TCF20: variants seen among roughly 807,000 people sequenced by gnomAD.
TCF20 encodes the protein SPRE-binding protein.
In TCF20, 3 loss-of-function variants were observed where a neutral mutation model predicts 148.6. The observed-to-expected ratio is 0.02, with a 90% CI of 0.01 to 0.05. The LOEUF (loss-of-function observed/expected upper bound fraction) is 0.05. TCF20 is among the 10% of genes least tolerant of loss of function. TCF20 has a pLI of 1.00. For synonymous variants in TCF20, 1,049 were observed against 909.5 expected (o/e 1.15, Z -2.76); for missense variants, 2,350 against 2,429.3 (o/e 0.97, Z 0.69).
rs755549978 is a variant in TCF20 at position 42,168,611 on chromosome 22, G to C, written c.*42C>G. 1 of 1,568,980 alleles carries C rather than the reference G, an allele frequency of 6.4e-7. No homozygotes were observed. On this transcript the variant is annotated splice_region_variant and 3_prime_UTR_variant, in exon 5 of 6. Coordinates refer to ENST00000677622, the MANE Select transcript of TCF20 (RefSeq NM_001378418.1). ...GGAGCCCGGTGGCCCCGACTCACCT[G>C]TGCTTGCTGTCCTTTCCATTCCCAC...
rs1259393928 is a variant in TCF20 at position 42,292,346 on chromosome 22, G to A, written c.-37+51133C>T. ...TGCTAAAATCAGGCCACGTGCACTA[G>A]GTCAAGGATGCCACAGAAGGAGCCC... On this transcript the variant is annotated intron_variant, in intron 1 of 1. Transcript: ENST00000515426. This position sits in a 1 kb window ranked among gnomAD's most constrained non-coding sequence, Gnocchi z 4.9. Among the ~76,000 whole-genome samples, 3 of 152,184 alleles carry A rather than the reference G, an allele frequency of 2.0e-5. No homozygotes were observed. The highest frequency in any genetic ancestry group is 4.4e-5 in the Non-Finnish European group (3 of 68,030).
chr22:42,229,529 G>T (rs1050024788), intron 1 of TCF20, among the ~76,000 whole-genome samples: 1 of 152,172 alleles, frequency 6.6e-6, no homozygotes, highest in Non-Finnish European at 1.5e-5. Flanking sequence ...CAAACTGCAA[G>T]AGAGTAACGC....
intron 1 of TCF20, among the ~76,000 whole-genome samples, chr22:42,265,652 T>C (rs547189036): frequency 6.6e-6 from 1 of 152,320 alleles, no homozygotes; most frequent in East Asian, 1.9e-4. Context: ...ACAGAATGAA[T>C]GAGTACTAAG....
rs565738113 is a variant in TCF20, at chr22:42,340,100, G to A, written c.-37+3379C>T. On this transcript the variant is annotated intron_variant, in intron 1 of 1. Transcript: ENST00000515426. ...GTACAAACAAGGTCTGTAAGGAAAG[G>A]ATGAACCTTTCCTTACCTGTTCTGC... Among the ~76,000 whole-genome samples, 7 of 152,284 alleles carry A rather than the reference G, an allele frequency of 4.6e-5. No homozygotes were observed. In the East Asian group the frequency reaches 7.7e-4, roughly 17 times the overall value.
Position 42,210,940 on chromosome 22 carries a change from C to T in TCF20, c.4366G>A (p.Ala1456Thr). Residue 1456 changes from alanine (A) to threonine (T), a missense_variant, in exon 2 of 6, where the codon GCC (alanine) becomes ACC (threonine). Around this residue, in one of 7 missense-constraint regions of TCF20, gnomAD observed 231 missense variants for 213.7 expected, o/e 1.08. Coordinates refer to ENST00000677622, the MANE Select transcript of TCF20 (RefSeq NM_001378418.1). The surrounding 1 kb of genome is among the most constrained non-coding windows in gnomAD (Gnocchi z 4.7). Reference sequence around the variant, plus strand: ...ATGGCACCAGGGGGTTCCTTTCCGGCAGTAACTGTTTCTGCATGTGTCTCT... The same window carrying T: ...ATGGCACCAGGGGGTTCCTTTCCGGTAGTAACTGTTTCTGCATGTGTCTCT... ...KTETHAETVTAGKEPPGAMTS... is the reference protein window; with the variant it reads ...KTETHAETVTTGKEPPGAMTS... The T allele has an allele frequency of 1.9e-6, 3 of 1,614,146 alleles. No homozygotes were observed. Among genetic ancestry groups the T allele is most frequent in the Non-Finnish European group, 2.5e-6 (3 of 1,180,042 alleles).
At chr22:42,224,817 G>A (rs1057214063) in intron 1 of TCF20, among the ~76,000 whole-genome samples, 2 of 152,006 alleles carry the variant, frequency 1.3e-5, no homozygotes, top group African/African-American at 4.8e-5. Flanking sequence ...AGCAGCTCAC[G>A]TAAACTTATA....
chr22:42,178,700 A>G (rs1321389584), intron 3 of TCF20, among the ~76,000 whole-genome samples: 1 of 146,710 alleles, frequency 6.8e-6, no homozygotes, highest in Non-Finnish European at 1.5e-5. Flanking sequence ...CTCCTGCCTC[A>G]GACTCCCGAG....
chr22:42,238,337 C>T (rs532554449), intron 1 of TCF20, among the ~76,000 whole-genome samples: 42 of 152,348 alleles, frequency 2.8e-4, no homozygotes, highest in Admixed American at 7.2e-4. Flanking sequence ...TGGGATTAGG[C>T]TCTGGCTTAA....
At chr22:42,267,925 C>T (rs1384183957) in intron 1 of TCF20, among the ~76,000 whole-genome samples, 1 of 152,156 alleles carries the variant, frequency 6.6e-6, no homozygotes, top group Non-Finnish European at 1.5e-5. Context: ...GCAGGCGGAT[C>T]ACCTGAGGTC....
rs758596083 is a variant in TCF20, at chr22:42,212,103, C to T, written c.3203G>A (p.Arg1068Gln). The change falls in exon 2 of 6, where the codon CGG becomes CAG. Residue 1068 changes from arginine to glutamine, a missense_variant. Physicochemically the swap from Arg to Gln is conservative, Grantham distance 43. Coordinates refer to ENST00000677622, the MANE Select transcript of TCF20 (RefSeq NM_001378418.1). ...GTTAGGGTCCCCATAAGCATGAGCC[C>T]GAGTATTTGCATGATAAGCAGAGGC... ...TLASAYHANT[R>Q]AHAYGDPNAG... The T allele has an allele frequency of 6.2e-6, 10 of 1,614,038 alleles. No individual in the cohort carries two copies. In the East Asian group the frequency reaches 1.1e-4, roughly 18 times the overall value.
intron 1 of TCF20, among the ~76,000 whole-genome samples, chr22:42,328,729 G>A (rs375270512): frequency 6.6e-6 from 1 of 152,338 alleles, no homozygotes; most frequent in Non-Finnish European, 1.5e-5. Flanking sequence ...GCTGGCACAC[G>A]GTCAGGGCTC....
chr22:42,296,857 C>G (rs534844724), intron 1 of TCF20, among the ~76,000 whole-genome samples: 2 of 152,208 alleles, frequency 1.3e-5, no homozygotes, highest in African/African-American at 2.4e-5. Flanking sequence ...GAAAGCAGCA[C>G]GAGGAGCAGG....
upstream of TCF20, among the ~76,000 whole-genome samples, chr22:42,286,187 T>C (rs566304743): frequency 2.4e-4 from 36 of 152,344 alleles, no homozygotes; most frequent in African/African-American, 6.5e-4. Flanking sequence ...CAGAGAACTG[T>C]ACCTGTCCCC....
chr22:42,246,666 A>C (rs554537210), intron 1 of TCF20, among the ~76,000 whole-genome samples: 49 of 152,336 alleles, frequency 3.2e-4, no homozygotes, highest in African/African-American at 1.2e-3. Flanking sequence ...GGGCAAGAAC[A>C]CATTTAGAAA....
At chr22:42,311,843 A>G (rs1487907953) in intron 1 of TCF20, among the ~76,000 whole-genome samples, 2 of 152,212 alleles carry the variant, frequency 1.3e-5, no homozygotes, top group African/African-American at 4.8e-5. Context: ...AGAGCCCTGC[A>G]TAGTCAAGAC....
chr22:42,326,275 C>G (rs1164226690), intron 1 of TCF20, among the ~76,000 whole-genome samples: 1 of 152,168 alleles, frequency 6.6e-6, no homozygotes. Context: ...GCACTGCAGC[C>G]CAACCTCACC....
At chr22:42,191,966 T>C (rs924620234) in intron 2 of TCF20, among the ~76,000 whole-genome samples, 13 of 152,250 alleles carry the variant, frequency 8.5e-5, no homozygotes, top group Non-Finnish European at 1.5e-5. Flanking sequence ...GAAATTGAAG[T>C]TGCACAAGGT....
At chr22:42,215,720 C>T (rs1221453041) in intron 1 of TCF20, among the ~76,000 whole-genome samples, 1 of 152,158 alleles carries the variant, frequency 6.6e-6, no homozygotes, top group Non-Finnish European at 1.5e-5. Context: ...ATCCGCCCAC[C>T]TCGGCCTCCC....
chr22:42,175,002 T>A (rs1176259495), intron 3 of TCF20, among the ~76,000 whole-genome samples: 1 of 150,456 alleles, frequency 6.6e-6, no homozygotes, highest in African/African-American at 2.5e-5. Context: ...GCCACTGCAC[T>A]CCAGTCGGGG....
Sources: allele counts gnomAD v4.1 joint callset (sites outside exome capture counted in the v4.1 genomes callset), GRCh38; gene constraint gnomAD v4.1.1; regional missense constraint gnomAD v4.1.1; non-coding constraint Gnocchi (gnomAD v3.1); transcripts MANE v1.5; gene names NCBI Gene and HGNC (gene_info 2026-07-23, HGNC 2026-07-21).